LETM2: variants seen among roughly 807,000 people sequenced by gnomAD.
LETM2 encodes LETM1 domain-containing protein LETM2, mitochondrial.
Under a neutral mutation model 59.6 loss-of-function variants are expected in LETM2, and 58 were observed. The ratio of observed to expected loss-of-function variants is 0.97; its 90% CI spans 0.79 to 1.21. The LOEUF (loss-of-function observed/expected upper bound fraction) is 1.21, where lower values mean the gene tolerates loss of function less well. LETM2 is among the 50% of genes most tolerant of loss of function. The pLI is 0.00. For synonymous variants in LETM2, 199 were observed against 214.1 expected, an observed-to-expected ratio of 0.93 and a Z score of 0.62; for missense variants, 572 against 575.7, an observed-to-expected ratio of 0.99 and a Z score of 0.07.
chr8:38,403,360 T>G (rs115941810), intron 7 of LETM2, among the ~76,000 whole-genome samples: 76 of 152,234 alleles, frequency 5.0e-4, no homozygotes, highest in Non-Finnish European at 9.1e-4. Context: ...ACCTTAGAAT[T>G]TTGACCTACT....
intron 2 of LETM2, among the ~76,000 whole-genome samples, chr8:38,390,322 C>T (rs1335003801): frequency 6.6e-6 from 1 of 151,040 alleles, no homozygotes; most frequent in Non-Finnish European, 1.5e-5. Flanking sequence ...GTGTCTTAAA[C>T]AGAAAGAGAA....
At position 38,393,008 on chromosome 8, in the gene LETM2, C is replaced by T. The variant is rs373367588; in HGVS notation, c.501+13C>T. 30 of 1,556,022 alleles carry T rather than the reference C, an allele frequency of 1.9e-5. No individual in the cohort carries two copies. Among genetic ancestry groups the T allele is most frequent in the Non-Finnish European group, 2.4e-5 (28 of 1,154,024 alleles). ...AGAGAGACGAAGGGTAGGCAAGAAT[C>T]ATATTTGAGAAAGAAAATGTGAAAT... On this transcript the variant is annotated intron_variant, in intron 3 of 10. Transcript: ENST00000379957.
intron 4 of LETM2, chr8:38,397,159 G>A: frequency 2.2e-6 from 1 of 455,694 alleles, no homozygotes; most frequent in South Asian, 1.6e-5. Context: ...AAAACATTAT[G>A]AGAAGACAAA....
chr8:38,398,130 A>G (rs1169543068), intron 4 of LETM2, among the ~76,000 whole-genome samples: 2 of 143,934 alleles, frequency 1.4e-5, no homozygotes, highest in South Asian at 2.2e-4. Context: ...ACAGAGTGAG[A>G]TTTTTGTCTT....
At chr8:38,395,403 T>C (rs1812609498) in intron 4 of LETM2, among the ~76,000 whole-genome samples, 1 of 152,228 alleles carries the variant, frequency 6.6e-6, no homozygotes, top group Non-Finnish European at 1.5e-5. Context: ...ACGAAACAGG[T>C]GTGTAGTGGT....
intron 2 of LETM2, among the ~76,000 whole-genome samples, chr8:38,391,384 C>G (rs1485470455): frequency 6.8e-6 from 1 of 147,316 alleles, no homozygotes; most frequent in Admixed American, 6.8e-5. Flanking sequence ...CTTATTGCAA[C>G]CTCTGCCTCC....
chr8:38,407,303 T>G lies in LETM2; in HGVS notation c.1312-59T>G, dbSNP rs927833384. ...TCCTGGTAGTCAAGGTAGTGGACTG[T>G]AGATTAATACACATTTTCTTTTAAA... On this transcript the variant is annotated intron_variant, in intron 9 of 10. Transcript: ENST00000379957. 8.0e-6 allele frequency: 10 copies of G among 1,253,656 alleles called. No homozygotes were observed. In the Admixed American group the frequency reaches 1.7e-4, roughly 21 times the overall value. The allele number at this position is 1,253,656 out of a possible 1,614,324, so 77.7% of individuals were successfully genotyped here.
rs1811903526 is a variant in LETM2 at position 38,387,956 on chromosome 8, A to G, written c.-28A>G. On this transcript the variant is annotated 5_prime_UTR_variant, in exon 2 of 11. The change abolishes an upstream ATG in the 5' untranslated region. Transcript: ENST00000379957. ...ACTTACTCCTTTTGCCTAGGTCCCTATGTTAACTACTTGAGACAAAAATAA... is the reference window on the plus strand; with the variant it reads ...ACTTACTCCTTTTGCCTAGGTCCCTGTGTTAACTACTTGAGACAAAAATAA... The G allele has an allele frequency of 6.4e-6, 9 of 1,404,576 alleles. No homozygotes were observed. Among genetic ancestry groups the G allele is most frequent in the African/African-American group, 1.4e-5 (1 of 70,034 alleles). The allele number at this position is 1,404,576 out of a possible 1,614,324, so 87.0% of individuals were successfully genotyped here.
rs1197948073 is a variant in LETM2, at chr8:38,400,757, C to T, written c.784-96C>T. ...CGATTTCCAGATGTCAGACAGAGTC[C>T]CATAAATGCTTTGATGTCTCTTTCA... On this transcript the variant is annotated intron_variant, in intron 5 of 10. Transcript: ENST00000379957. 18 of 1,063,122 alleles carry T rather than the reference C, an allele frequency of 1.7e-5. No individual in the cohort carries two copies. In the South Asian group the frequency reaches 2.4e-4, roughly 14 times the overall value. 65.9% of individuals were successfully genotyped at this position (1,063,122 alleles called of 1,614,324 possible). A position where few individuals can be genotyped will look rare whatever the true frequency, so the allele number is the denominator to read the frequency against.
chr8:38,397,253 T>G, intron 4 of LETM2: 3 of 420,518 alleles, frequency 7.1e-6, no homozygotes, highest in Non-Finnish European at 1.4e-5. Flanking sequence ...CTTGGCTCAC[T>G]GCAACCTCCG....
chr8:38,397,119 G>A (rs1181746026), intron 4 of LETM2: 10 of 456,002 alleles, frequency 2.2e-5, no homozygotes, highest in Non-Finnish European at 4.0e-5. Flanking sequence ...ACTAGACAGC[G>A]TTGACAGCAT....
Position 38,407,031 on chromosome 8 carries a change from G to C in LETM2, c.1304G>C (p.Gly435Ala). ...NMVDLAPQLK[G>A]TKDEDFIQPP... ...GTGGATCTTGCACCTCAACTGAAGG[G>C]AACTAAGGTTAGACAGTTACTTTCC... The change falls in exon 9 of 11, where the codon GGA (glycine) becomes GCA (alanine). Residue 435 changes from glycine to alanine, a missense_variant. Coordinates refer to ENST00000379957, the MANE Select transcript of LETM2 (RefSeq NM_001286819.2). The C allele has an allele frequency of 1.3e-6, 2 of 1,596,130 alleles. No homozygotes were observed. The highest frequency in any genetic ancestry group is 1.7e-6 in the Non-Finnish European group (2 of 1,164,202).
intron 8 of LETM2, chr8:38,404,822 A>G (rs545883632): frequency 4.5e-4 from 99 of 219,930 alleles, no homozygotes; most frequent in Admixed American, 1.2e-3. Context: ...TCTACTAAAC[A>G]TACAAAAATT....
chr8:38,387,246 G>A (rs941378504), intron 1 of LETM2: 1 of 152,264 alleles, frequency 6.6e-6, no homozygotes, highest in African/African-American at 2.4e-5. Flanking sequence ...TTTCTATTCA[G>A]GAGAGCTCCT....
At position 38,401,018 on chromosome 8, in the gene LETM2, C is replaced by G; in HGVS notation, c.949C>G (p.Leu317Val). 1 of 1,613,858 alleles carries G rather than the reference C, an allele frequency of 6.2e-7. No homozygotes were observed. Among genetic ancestry groups the G allele is most frequent in the Middle Eastern group, 1.7e-4 (1 of 5,982 alleles). Residue 317 changes from leucine to valine, a missense_variant, in exon 6 of 11, where the codon CTG (leucine) becomes GTG (valine). Physicochemically the swap from Leu to Val is conservative, Grantham distance 32. Transcript: ENST00000379957. ...CAACAACCTGCTCCGCTTTCAGCTCCTGATGAAACTGAAGTCTATAAAAGC... is the reference window on the plus strand; with the variant it reads ...CAACAACCTGCTCCGCTTTCAGCTCGTGATGAAACTGAAGTCTATAAAAGC... ...GTNNLLRFQL[L>V]MKLKSIKADD...
chr8:38,404,246 CGT>C, intron 7 of LETM2, 145 bp from the exon 8 acceptor site: 1 of 604,102 alleles, frequency 1.7e-6, no homozygotes, highest in Non-Finnish European at 3.0e-6. Flanking sequence ...GGCTCTTGTC[CGT>C]GTTCTGCCGT....
intron 2 of LETM2, among the ~76,000 whole-genome samples, chr8:38,390,789 TC>T (rs926917312): frequency 8.7e-5 from 13 of 149,662 alleles, no homozygotes; most frequent in African/African-American, 3.2e-4. Context: ...TTCAAGCAAT[TC>T]TCCTGCCTCA....
intron 1 of LETM2, chr8:38,387,191 A>G (rs1243796067): frequency 6.6e-6 from 1 of 152,248 alleles, no homozygotes; most frequent in Non-Finnish European, 1.5e-5. Context: ...GTGTGGGTCC[A>G]CAGGTTTCGA....
chr8:38,402,698 A>G, intron 7 of LETM2, 54 bp downstream of exon 7: 3 of 1,567,492 alleles, frequency 1.9e-6, no homozygotes, highest in Non-Finnish European at 2.6e-6. Context: ...CTCCTACAAT[A>G]TGCAGACCTC....
Sources: allele counts gnomAD v4.1 joint callset (sites outside exome capture counted in the v4.1 genomes callset), GRCh38; gene constraint gnomAD v4.1.1; transcripts MANE v1.5; gene names NCBI Gene and HGNC (gene_info 2026-07-23, HGNC 2026-07-21).